GALNT17: variants seen among roughly 807,000 people sequenced by gnomAD.
The protein encoded by GALNT17 is polypeptide N-acetylgalactosaminyltransferase 17, also known as UDP-GalNAc:polypeptide N-acetylgalactosaminyltransferase-like 3.
Under a neutral mutation model 63.7 loss-of-function variants are expected in GALNT17, and 29 were observed. The ratio of observed to expected loss-of-function variants is 0.46; its 90% CI spans 0.34 to 0.62. The LOEUF is 0.62. Ranked by LOEUF, GALNT17 falls within the 20% of genes least tolerant of loss-of-function variation. The pLI is 0.01. For synonymous variants in GALNT17, 305 were observed against 318.3 expected, an observed-to-expected ratio of 0.96 and a Z score of 0.45; for missense variants, 603 against 799.6, an observed-to-expected ratio of 0.75 and a Z score of 2.97.
chr7:71,677,608 A>G (rs1182037225), intron 9 of GALNT17, among the ~76,000 whole-genome samples: 1 of 149,786 alleles, frequency 6.7e-6, no homozygotes, highest in Non-Finnish European at 1.5e-5. Flanking sequence ...TCCGCCTCCC[A>G]GGCTCATGTG....
intron 5 of GALNT17, among the ~76,000 whole-genome samples, chr7:71,523,779 ATAAATAAT>A (rs1284751996): frequency 4.2e-5 from 6 of 143,476 alleles, no homozygotes; most frequent in African/African-American, 1.3e-4. Context: ...AAATAAATAA[ATAAATAAT>A]AAAGAAAAGA....
At chr7:71,654,142 A>C (rs1790793049) in intron 6 of GALNT17, among the ~76,000 whole-genome samples, 1 of 151,716 alleles carries the variant, frequency 6.6e-6, no homozygotes, top group South Asian at 2.1e-4. Flanking sequence ...CAGCCTTCTG[A>C]TTAGCTGGGA....
At chr7:71,133,764 G>A (rs1787731712) in intron 1 of GALNT17, among the ~76,000 whole-genome samples, 1 of 152,160 alleles carries the variant, frequency 6.6e-6, no homozygotes, top group Non-Finnish European at 1.5e-5. Context: ...GGAGAAGAGG[G>A]AGACTTTTTA....
At chr7:71,615,397 C>T (rs2116960145) in intron 6 of GALNT17, among the ~76,000 whole-genome samples, 1 of 150,768 alleles carries the variant, frequency 6.6e-6, no homozygotes, top group Admixed American at 6.6e-5. Context: ...CCAGATGTGG[C>T]TTTTCCAGCC....
intron 1 of GALNT17, among the ~76,000 whole-genome samples, chr7:71,158,972 A>G (rs1174249277): frequency 2.0e-5 from 3 of 151,794 alleles, no homozygotes; most frequent in East Asian, 3.8e-4. Context: ...CAATTTTTAT[A>G]TTTCTTAAAG....
At chr7:71,494,853 AG>A (rs1430623363) in intron 5 of GALNT17, among the ~76,000 whole-genome samples, 1 of 152,218 alleles carries the variant, frequency 6.6e-6, no homozygotes, top group East Asian at 1.9e-4. Context: ...CAGGCAGGAA[AG>A]CTTGTGCGGG....
chr7:71,457,032 T>G (rs1787367759), intron 5 of GALNT17, among the ~76,000 whole-genome samples: 1 of 152,172 alleles, frequency 6.6e-6, no homozygotes, highest in South Asian at 2.1e-4. Flanking sequence ...ATACACAATT[T>G]AGTCTGGCTC....
chr7:71,164,576 TAGTG>T (rs1477340819), intron 1 of GALNT17, among the ~76,000 whole-genome samples: 1 of 152,160 alleles, frequency 6.6e-6, no homozygotes, highest in African/African-American at 2.4e-5. Flanking sequence ...AGAAGGGAAA[TAGTG>T]AGGAAGTGCA....
At chr7:71,544,861 T>C (rs1788955657) in intron 5 of GALNT17, among the ~76,000 whole-genome samples, 1 of 151,718 alleles carries the variant, frequency 6.6e-6, no homozygotes. Context: ...TTTTTTTTTT[T>C]TTCATCTGTA....
chr7:71,466,837 G>A (rs1302177170), intron 5 of GALNT17, among the ~76,000 whole-genome samples: 1 of 152,020 alleles, frequency 6.6e-6, no homozygotes, highest in Non-Finnish European at 1.5e-5. Context: ...CACCTTTCTG[G>A]GATGAATCAA....
At chr7:71,241,382 G>A (rs942309426) in intron 1 of GALNT17, among the ~76,000 whole-genome samples, 2 of 152,114 alleles carry the variant, frequency 1.3e-5, no homozygotes, top group African/African-American at 4.8e-5. Flanking sequence ...CTTTTTAGCT[G>A]GACATGTGGC....
At chr7:71,699,585 G>A (rs1199713956) in intron 9 of GALNT17, among the ~76,000 whole-genome samples, 3 of 152,028 alleles carry the variant, frequency 2.0e-5, no homozygotes, top group East Asian at 1.9e-4. Flanking sequence ...GCAGAAAGCT[G>A]GGGTAACCTC....
At chr7:71,178,190 T>C (rs758946687) in intron 1 of GALNT17, among the ~76,000 whole-genome samples, 1 of 152,214 alleles carries the variant, frequency 6.6e-6, no homozygotes, top group Non-Finnish European at 1.5e-5. Context: ...TACAGAATTC[T>C]GGGTTGACAG....
At chr7:71,440,931 T>C (rs894801899) in intron 5 of GALNT17, among the ~76,000 whole-genome samples, 1 of 152,186 alleles carries the variant, frequency 6.6e-6, no homozygotes, top group African/African-American at 2.4e-5. Flanking sequence ...CATCCATTTC[T>C]CCTCTTGTTT....
At chr7:71,209,039 G>A (rs1483543648) in intron 1 of GALNT17, among the ~76,000 whole-genome samples, 1 of 152,214 alleles carries the variant, frequency 6.6e-6, no homozygotes, top group African/African-American at 2.4e-5. Context: ...CTGTGCCACT[G>A]CAGCGTGAAA....
rs147332687 is a variant in GALNT17 at position 71,203,167 on chromosome 7, C to T, written c.238+70127C>T. On this transcript the variant is annotated intron_variant, in intron 1 of 10. Coordinates refer to ENST00000333538, the MANE Select transcript of GALNT17 (RefSeq NM_022479.3). ...CAGTTCCAATGGATATGTACCCAGA[C>T]GTGGGATTGCTGGATCATATGGTGG... 3.2e-3 allele frequency among the ~76,000 whole-genome samples: 481 copies of T among 152,230 alleles called. 1 individual carries two copies. The highest frequency in any genetic ancestry group is 0.011 in the African/African-American group (468 of 41,544).
chr7:71,195,057 T>G (rs1435433471), intron 1 of GALNT17, among the ~76,000 whole-genome samples: 2 of 152,172 alleles, frequency 1.3e-5, no homozygotes, highest in African/African-American at 4.8e-5. Flanking sequence ...CTAATATGTA[T>G]ATGCATGTAT....
At chr7:71,527,633 C>T (rs1332652843) in intron 5 of GALNT17, among the ~76,000 whole-genome samples, 3 of 152,172 alleles carry the variant, frequency 2.0e-5, no homozygotes, top group African/African-American at 7.2e-5. Flanking sequence ...TAAATATTTG[C>T]CATCTGTAGC....
At chr7:71,490,412 CAG>C (rs1248976674) in intron 5 of GALNT17, among the ~76,000 whole-genome samples, 1 of 152,134 alleles carries the variant, frequency 6.6e-6, no homozygotes, top group Non-Finnish European at 1.5e-5. Flanking sequence ...TTATTCCTAT[CAG>C]GGGCATTTAG....
Sources: gnomAD v4.1 joint callset for allele counts (sites outside exome capture counted in the v4.1 genomes callset) on GRCh38, gnomAD v4.1.1 for gene constraint, MANE v1.5 for transcripts, NCBI Gene and HGNC (gene_info 2026-07-23, HGNC 2026-07-21) for gene names.